SLCO3A1: variants seen among roughly 807,000 people sequenced by gnomAD.
SLCO3A1 encodes solute carrier organic anion transporter family member 3A1, also known as PGE1 transporter.
SLCO3A1 carries 27 observed loss-of-function variants against 63.1 expected under a neutral mutation model. The observed-to-expected ratio is 0.43, with a 90% CI of 0.32 to 0.59. The LOEUF (loss-of-function observed/expected upper bound fraction) is 0.59. Ranked by LOEUF, SLCO3A1 falls within the 20% of genes least tolerant of loss-of-function variation. The pLI, the probability that SLCO3A1 is intolerant of heterozygous loss-of-function variation, is 0.09. For missense variants in SLCO3A1, 773 were observed against 945.8 expected (o/e 0.82, Z 2.40); for synonymous variants, 473 against 409.9 (o/e 1.15, Z -1.86).
At chr15:91,902,525 A>G (rs905898019) in intron 1 of SLCO3A1, among the ~76,000 whole-genome samples, 4 of 151,872 alleles carry the variant, frequency 2.6e-5, no homozygotes, top group Non-Finnish European at 4.4e-5. Context: ...ATTTGCAATC[A>G]ATATTGCTTT....
chr15:92,020,680 C>A (rs1286733361), intron 2 of SLCO3A1, among the ~76,000 whole-genome samples: 1 of 152,218 alleles, frequency 6.6e-6, no homozygotes, highest in Non-Finnish European at 1.5e-5. Context: ...AGAGAGAAAG[C>A]TGGCTCTGAG....
intron 2 of SLCO3A1, among the ~76,000 whole-genome samples, chr15:92,047,512 TAAATACATAAATA>T (rs1200194624): frequency 5.4e-5 from 1 of 18,476 alleles, no homozygotes; most frequent in African/African-American, 2.0e-4. Context: ...TAAATATATA[TAAATACATAAATA>T]AATATATAAA....
In SLCO3A1 at chr15:91,883,958, G is replaced by A. The variant is rs905270084; in HGVS notation, c.180+29870G>A. On this transcript the variant is annotated intron_variant, in intron 1 of 9. Coordinates refer to ENST00000318445, the MANE Select transcript of SLCO3A1 (RefSeq NM_013272.4). This position sits in a 1 kb window ranked among gnomAD's most constrained non-coding sequence, Gnocchi z 4.8. ...GGGATCCAGTTTCAGACCAAGGTCT[G>A]GCCTGACTGGAAAGCTTTATCACCA... Among the ~76,000 whole-genome samples, 5 of 152,162 alleles carry A rather than the reference G, an allele frequency of 3.3e-5. No individual in the cohort carries two copies. The highest frequency in any genetic ancestry group is 1.2e-4 in the African/African-American group (5 of 41,424).
chr15:92,151,066 G>A, intron 9 of SLCO3A1, 52 bp downstream of exon 9: 1 of 1,222,304 alleles, frequency 8.2e-7, no homozygotes, highest in Non-Finnish European at 1.2e-6. Context: ...CTTATTACTA[G>A]GTGAGTAACT....
chr15:92,170,516 G>A (rs1236614007), downstream of SLCO3A1, among the ~76,000 whole-genome samples: 3 of 152,172 alleles, frequency 2.0e-5, no homozygotes, highest in Non-Finnish European at 2.9e-5. Flanking sequence ...AAAGCCACCA[G>A]GAGCCAGTGA....
At chr15:92,029,931 A>G (rs1050478497) in intron 2 of SLCO3A1, among the ~76,000 whole-genome samples, 8 of 152,080 alleles carry the variant, frequency 5.3e-5, no homozygotes, top group East Asian at 1.9e-4. Context: ...CCACAGGTCA[A>G]TTACCTCGGA....
rs149749937 is a variant in SLCO3A1, at chr15:91,875,034, T to G, written c.180+20946T>G. Among the ~76,000 whole-genome samples, 1,476 of 152,294 alleles carry G rather than the reference T, an allele frequency of 9.7e-3. 26 individuals carry two copies. Among genetic ancestry groups the G allele is most frequent in the African/African-American group, 0.033 (1,390 of 41,554 alleles). On this transcript the variant is annotated intron_variant, in intron 1 of 9. Transcript: ENST00000318445. This position sits in a 1 kb window ranked among gnomAD's most constrained non-coding sequence, Gnocchi z 4.5. ...CTGACCATGAGGTTGAGATGGGTGG[T>G]TACATCCACACCACTCCACATGAAA...
At chr15:92,020,261 C>A (rs75558680) in intron 2 of SLCO3A1, among the ~76,000 whole-genome samples, 81 of 152,202 alleles carry the variant, frequency 5.3e-4, no homozygotes, top group African/African-American at 1.9e-3. Context: ...TAAAGTATAT[C>A]TGTACTCTAT....
At chr15:92,093,544 C>G (rs1056841403) in intron 2 of SLCO3A1, among the ~76,000 whole-genome samples, 1 of 152,178 alleles carries the variant, frequency 6.6e-6, no homozygotes, top group African/African-American at 2.4e-5. Flanking sequence ...ACGCGGCTTC[C>G]TTTGCCCGGT....
In SLCO3A1 at chr15:91,894,369, C is replaced by T. The variant is rs955406895; in HGVS notation, c.181-21624C>T. On this transcript the variant is annotated intron_variant, in intron 1 of 9. Coordinates refer to ENST00000318445, the MANE Select transcript of SLCO3A1 (RefSeq NM_013272.4). The surrounding 1 kb of genome is among the most constrained non-coding windows in gnomAD (Gnocchi z 4.8). ...GATGTGACTTTGGTACTCAAAATAT[C>T]TAATTGCCATGTAGTGTGCATGGAC... is the stretch of plus-strand genomic sequence containing the variant. 2.6e-5 allele frequency among the ~76,000 whole-genome samples: 4 copies of T among 152,106 alleles called. No homozygotes were observed. Among genetic ancestry groups the T allele is most frequent in the East Asian group, 1.9e-4 (1 of 5,180 alleles).
intron 2 of SLCO3A1, among the ~76,000 whole-genome samples, chr15:91,994,299 G>T (rs574082978): frequency 6.6e-6 from 1 of 152,138 alleles, no homozygotes; most frequent in African/African-American, 2.4e-5. Context: ...GAGGCCCAGA[G>T]ATTATATTTA....
intron 4 of SLCO3A1, among the ~76,000 whole-genome samples, chr15:92,105,276 A>G (rs2047654443): frequency 6.6e-6 from 1 of 152,130 alleles, no homozygotes; most frequent in Admixed American, 6.5e-5. Flanking sequence ...TCTCATCTCA[A>G]AAGAAAAAAA....
At chr15:91,970,140 A>AT (rs1164841887) in intron 2 of SLCO3A1, among the ~76,000 whole-genome samples, 1 of 152,266 alleles carries the variant, frequency 6.6e-6, no homozygotes, top group African/African-American at 2.4e-5. Context: ...AGGCATTGAA[A>AT]TACAGTACCT....
rs1423239587 is a variant in SLCO3A1 at position 91,885,939 on chromosome 15, G to A, written c.181-30054G>A. Among the ~76,000 whole-genome samples the A allele has an allele frequency of 1.3e-5, 2 of 152,138 alleles. No homozygotes were observed. Among genetic ancestry groups the A allele is most frequent in the Non-Finnish European group, 2.9e-5 (2 of 68,022 alleles). ...GGGTTGAAATATGCTTGATGTGGTC[G>A]GGGAGTGGAAAGACCAGTGTGTCTC... On this transcript the variant is annotated intron_variant, in intron 1 of 9. Transcript: ENST00000318445. This position sits in a 1 kb window ranked among gnomAD's most constrained non-coding sequence, Gnocchi z 4.7.
chr15:92,049,751 C>G (rs1323683471), intron 2 of SLCO3A1, among the ~76,000 whole-genome samples: 1 of 152,124 alleles, frequency 6.6e-6, no homozygotes, highest in African/African-American at 2.4e-5. Context: ...TGGCCAGTTT[C>G]CAAGAGATTA....
chr15:92,009,987 C>T (rs551458976), intron 2 of SLCO3A1, among the ~76,000 whole-genome samples: 1 of 152,290 alleles, frequency 6.6e-6, no homozygotes, highest in Non-Finnish European at 1.5e-5. Context: ...CTGGACTCCC[C>T]CAGACTTCAT....
intron 6 of SLCO3A1, 50 bp downstream of exon 6, chr15:92,126,309 C>G: frequency 6.7e-7 from 1 of 1,501,638 alleles, no homozygotes; most frequent in African/African-American, 1.4e-5. Flanking sequence ...GGGACCCTAG[C>G]AATCTCCCTC....
chr15:92,020,184 C>T (rs552053234), intron 2 of SLCO3A1, among the ~76,000 whole-genome samples: 35 of 152,118 alleles, frequency 2.3e-4, no homozygotes, highest in African/African-American at 6.5e-4. Context: ...AGTGTATATG[C>T]GATGTGTGCA....
intron 2 of SLCO3A1, among the ~76,000 whole-genome samples, chr15:92,047,588 TATATA>T (rs1567088053): frequency 0.36 from 4,745 of 13,242 alleles, 1,185 homozygotes; most frequent in East Asian, 0.58. Context: ...ATATAATATA[TATATA>T]ATATATAATA....
Sources: allele counts gnomAD v4.1 joint callset (sites outside exome capture counted in the v4.1 genomes callset), GRCh38; gene constraint gnomAD v4.1.1; non-coding constraint Gnocchi (gnomAD v3.1); transcripts MANE v1.5; gene names NCBI Gene and HGNC (gene_info 2026-07-23, HGNC 2026-07-21).